KCND2: variants seen among roughly 807,000 people sequenced by gnomAD.
KCND2 encodes the protein A-type voltage-gated potassium channel KCND2.
In KCND2, 16 loss-of-function variants were observed where a neutral mutation model predicts 54.4. That is an observed-to-expected ratio of 0.29 (90% confidence interval 0.20 to 0.45). KCND2 has a LOEUF of 0.45. Among genes scored for constraint, KCND2 ranks in the 20% least tolerant of loss-of-function variants. KCND2 has a pLI of 1.00. For synonymous variants in KCND2, 317 were observed against 310.7 expected (o/e 1.02, Z -0.21); for missense variants, 486 against 824.2 (o/e 0.59, Z 5.02).
chr7:120,676,467 A>G (rs1430867594), intron 1 of KCND2, among the ~76,000 whole-genome samples: 1 of 152,152 alleles, frequency 6.6e-6, no homozygotes, highest in Non-Finnish European at 1.5e-5. Flanking sequence ...TTTAAACTGT[A>G]TGGACTGTTA....
chr7:120,338,056 T>G (rs1203725892), intron 1 of KCND2, among the ~76,000 whole-genome samples: 1 of 152,156 alleles, frequency 6.6e-6, no homozygotes, highest in Non-Finnish European at 1.5e-5. Flanking sequence ...TGAAGATCTT[T>G]AGAAATTTGA....
At chr7:120,531,804 G>C (rs757099220) in intron 1 of KCND2, among the ~76,000 whole-genome samples, 2 of 151,956 alleles carry the variant, frequency 1.3e-5, no homozygotes, top group Non-Finnish European at 2.9e-5. Flanking sequence ...TGGTTTCCTG[G>C]ATTTTGTTTG....
intron 1 of KCND2, among the ~76,000 whole-genome samples, chr7:120,410,918 T>G (rs779741841): frequency 1.8e-4 from 28 of 152,138 alleles, no homozygotes; most frequent in Non-Finnish European, 3.1e-4. Context: ...GGTGTATATG[T>G]GCCACATTTT....
At chr7:120,289,976 C>T (rs1210937906) in intron 1 of KCND2, among the ~76,000 whole-genome samples, 1 of 151,978 alleles carries the variant, frequency 6.6e-6, no homozygotes, top group Non-Finnish European at 1.5e-5. Context: ...TCCCTAGGCA[C>T]CAAATAAGAA....
At chr7:120,456,692 A>G (rs767232020) in intron 1 of KCND2, among the ~76,000 whole-genome samples, 2 of 152,224 alleles carry the variant, frequency 1.3e-5, no homozygotes, top group East Asian at 3.9e-4. Flanking sequence ...TTGCTTTTAC[A>G]GCTGGCATTG....
intron 1 of KCND2, among the ~76,000 whole-genome samples, chr7:120,366,485 TAA>T (rs550268149): frequency 2.6e-4 from 23 of 87,036 alleles, no homozygotes; most frequent in Admixed American, 2.8e-4. Flanking sequence ...AAGACTCCAT[TAA>T]AAAAAAAAAA....
chr7:120,273,283 A>T lies in KCND2; in HGVS notation c.-1350A>T, dbSNP rs555483810. 1.3e-5 allele frequency among the ~76,000 whole-genome samples: 2 copies of T among 151,504 alleles called. No individual in the cohort carries two copies. Among genetic ancestry groups the T allele is most frequent in the African/African-American group, 2.4e-5 (1 of 41,484 alleles). ...AGCCCGGGGAGATGCAGGACCACCCACTGGCGGGGAAGCAGCTAGCAGCCC... is the reference window on the plus strand; with the variant it reads ...AGCCCGGGGAGATGCAGGACCACCCTCTGGCGGGGAAGCAGCTAGCAGCCC... On this transcript the variant is annotated 5_prime_UTR_variant, in exon 1 of 6. Coordinates refer to ENST00000331113, the MANE Select transcript of KCND2 (RefSeq NM_012281.3).
At chr7:120,535,737 A>C (rs1447097764) in intron 1 of KCND2, among the ~76,000 whole-genome samples, 1 of 152,188 alleles carries the variant, frequency 6.6e-6, no homozygotes, top group Non-Finnish European at 1.5e-5. Flanking sequence ...CAAAAGGGGC[A>C]ACCGTTCTAA....
intron 1 of KCND2, among the ~76,000 whole-genome samples, chr7:120,474,609 C>T (rs903282070): frequency 6.6e-6 from 1 of 151,804 alleles, no homozygotes; most frequent in Non-Finnish European, 1.5e-5. Context: ...GGTTATCCAC[C>T]TGCCTCAGCC....
intron 1 of KCND2, among the ~76,000 whole-genome samples, chr7:120,543,448 T>C (rs1246381729): frequency 1.3e-5 from 2 of 152,114 alleles, no homozygotes; most frequent in African/African-American, 4.8e-5. Context: ...AATGATTTTC[T>C]CTGTCACATT....
intron 1 of KCND2, among the ~76,000 whole-genome samples, chr7:120,596,311 A>G (rs1562883462): frequency 6.6e-6 from 1 of 152,232 alleles, no homozygotes; most frequent in African/African-American, 2.4e-5. Context: ...TCTGCTTAAA[A>G]AGTAATAAAG....
chr7:120,490,475 T>C (rs1305101031), intron 1 of KCND2, among the ~76,000 whole-genome samples: 1 of 152,140 alleles, frequency 6.6e-6, no homozygotes, highest in Non-Finnish European at 1.5e-5. Flanking sequence ...GTATTACTGT[T>C]TTTGTTTTTG....
intron 1 of KCND2, among the ~76,000 whole-genome samples, chr7:120,706,160 A>G (rs1334289430): frequency 6.6e-6 from 1 of 152,144 alleles, no homozygotes; most frequent in Non-Finnish European, 1.5e-5. Context: ...TGTTACCCCC[A>G]TAATACTAAT....
chr7:120,701,022 C>G (rs1792394088), intron 1 of KCND2, among the ~76,000 whole-genome samples: 1 of 151,964 alleles, frequency 6.6e-6, no homozygotes. Context: ...CACTGGTACT[C>G]GTGGGTGAAG....
At chr7:120,722,762 G>A (rs1377922413) in intron 1 of KCND2, among the ~76,000 whole-genome samples, 1 of 152,144 alleles carries the variant, frequency 6.6e-6, no homozygotes, top group Non-Finnish European at 1.5e-5. Flanking sequence ...TTAAATAGCT[G>A]CACTTCTTGT....
chr7:120,499,893 G>A (rs1012127359), intron 1 of KCND2, among the ~76,000 whole-genome samples: 3 of 151,958 alleles, frequency 2.0e-5, no homozygotes, highest in African/African-American at 4.8e-5. Context: ...CATTTCTTGA[G>A]CACCAGTCTC....
intron 1 of KCND2, among the ~76,000 whole-genome samples, chr7:120,410,497 C>T (rs1259090248): frequency 1.3e-5 from 2 of 151,656 alleles, no homozygotes; most frequent in African/African-American, 2.4e-5. Context: ...AATAGTGTGT[C>T]GTCTAATCCA....
chr7:120,398,231 T>C (rs1336348596), intron 1 of KCND2, among the ~76,000 whole-genome samples: 1 of 150,914 alleles, frequency 6.6e-6, no homozygotes, highest in African/African-American at 2.4e-5. Flanking sequence ...GAAGTGATAA[T>C]AGAAAATAAG....
chr7:120,509,495 A>C (rs1803079908), intron 1 of KCND2, among the ~76,000 whole-genome samples: 1 of 152,028 alleles, frequency 6.6e-6, no homozygotes, highest in Non-Finnish European at 1.5e-5. Context: ...TTCAAAAGTA[A>C]TCTCTTATCC....
Sources: gnomAD v4.1 joint callset for allele counts (sites outside exome capture counted in the v4.1 genomes callset) on GRCh38, gnomAD v4.1.1 for gene constraint, MANE v1.5 for transcripts, NCBI Gene and HGNC (gene_info 2026-07-23, HGNC 2026-07-21) for gene names.